The following CDK10 variants were observed in gnomAD, a reference collection of about 807,000 sequenced individuals.
CDK10 encodes cyclin dependent kinase 10.
In CDK10, 55 loss-of-function variants were observed where a neutral mutation model predicts 51.0. The ratio of observed to expected loss-of-function variants is 1.08; its 90% CI spans 0.87 to 1.35. The LOEUF is 1.35. CDK10 is among the 40% of genes most tolerant of loss of function. The pLI is 0.00. For missense variants in CDK10, 589 were observed against 485.1 expected (o/e 1.21, Z -2.01); for synonymous variants, 255 against 199.1 (o/e 1.28, Z -2.36).
rs764224553 is a variant in CDK10, at chr16:89,691,528, G to A, written c.318G>A (p.Val106=). ...PNIVELKEVV[V]GNHLESIFLV... is the part of the protein sequence containing the mutation. ...TCGTGGAGCTGAAGGAGGTGGTTGT[G>A]GGGAACCACCTGGAGAGGTACGTGG... Residue 106 remains valine (V), a synonymous_variant, in exon 4 of 13, where the codon GTG becomes GTA. Transcript: ENST00000353379. 4 of 1,613,520 alleles carry A rather than the reference G, an allele frequency of 2.5e-6. No homozygotes were observed. In the South Asian group the frequency reaches 4.4e-5, roughly 18 times the overall value.
chr16:89,691,373 A>G lies in CDK10; in HGVS notation c.233-70A>G. 3 of 1,178,818 alleles carry G rather than the reference A, an allele frequency of 2.5e-6. No individual in the cohort carries two copies. In the South Asian group the frequency reaches 4.3e-5, roughly 17 times the overall value. 73.0% of individuals were successfully genotyped at this position (1,178,818 alleles called of 1,614,324 possible). A position where few individuals can be genotyped will look rare whatever the true frequency, so the allele number is the denominator to read the frequency against. ...TGCTATCAGGTGTTCGTGAAGCCCAAGAGTGGCTGGGGTTGGGGCTTCCCC... is the reference window on the plus strand; with the variant it reads ...TGCTATCAGGTGTTCGTGAAGCCCAGGAGTGGCTGGGGTTGGGGCTTCCCC... On this transcript the variant is annotated intron_variant, in intron 3 of 12. Coordinates refer to ENST00000353379, the MANE Select transcript of CDK10 (RefSeq NM_052988.5).
intron 1 of CDK10, 74 bp downstream of exon 1, chr16:89,686,871 G>A (rs2060211779): frequency 7.7e-7 from 1 of 1,293,208 alleles, no homozygotes; most frequent in Non-Finnish European, 1.1e-6. Flanking sequence ...GGGGAGCCTC[G>A]TGTCGCGCTG....
rs376375311 is a variant in CDK10 at position 89,693,352 on chromosome 16, G to T, written c.538+26G>T. 17 of 1,613,990 alleles carry T rather than the reference G, an allele frequency of 1.1e-5. No homozygotes were observed. The highest frequency in any genetic ancestry group is 1.7e-5 in the Admixed American group (1 of 59,990). On this transcript the variant is annotated intron_variant, in intron 7 of 12. Transcript: ENST00000353379. Reference sequence around the variant, plus strand: ...GTGGGTGCAACTTGGGCCAGGCCCTGTCCCTAGATGGCACTTGGTGACACA... The same window carrying T: ...GTGGGTGCAACTTGGGCCAGGCCCTTTCCCTAGATGGCACTTGGTGACACA...
At position 89,696,063 on chromosome 16, in the gene CDK10, G is replaced by C; in HGVS notation, c.*371G>C. 1 of 555,876 alleles carries C rather than the reference G, an allele frequency of 1.8e-6. No homozygotes were observed. Among genetic ancestry groups the C allele is most frequent in the Non-Finnish European group, 3.2e-6 (1 of 307,842 alleles). The allele number at this position is 555,876 out of a possible 1,614,324, so 34.4% of individuals were successfully genotyped here. ...TGAGTTGTGGTGGACGCTGGCCTGG[G>C]ATGAGAGGGCCCAGAAGACCTTCGT... On this transcript the variant is annotated 3_prime_UTR_variant, in exon 13 of 13. Coordinates refer to ENST00000353379, the MANE Select transcript of CDK10 (RefSeq NM_052988.5).
chr16:89,695,122 AC>A, intron 11 of CDK10, 52 bp downstream of exon 11: 1 of 1,577,110 alleles, frequency 6.3e-7, no homozygotes, highest in Non-Finnish European at 8.6e-7. Context: ...CACTGTCCAG[AC>A]CGTTTCCCAG....
At chr16:89,692,951 C>T (rs2060519938) in intron 6 of CDK10, among the ~76,000 whole-genome samples, 1 of 151,932 alleles carries the variant, frequency 6.6e-6, no homozygotes, top group African/African-American at 2.4e-5. Context: ...TCCTTGTTAA[C>T]ACAGTGAAAC....
At chr16:89,690,381 C>T (rs150621304) in intron 2 of CDK10, 172 bp from the exon 3 acceptor site, 19,659 of 629,688 alleles carry the variant, frequency 0.031, 435 homozygotes, top group Non-Finnish European at 0.039. Flanking sequence ...TCCGGGGGAA[C>T]GCGTCTCGGG....
intron 2 of CDK10, 107 bp downstream of exon 2, chr16:89,689,431 T>TG: frequency 1.1e-6 from 1 of 919,180 alleles, no homozygotes; most frequent in Non-Finnish European, 1.8e-6. Flanking sequence ...ACTCAGACCC[T>TG]GTGCTCTGAA....
At chr16:89,689,099 C>CA (rs1450887065) in intron 1 of CDK10, among the ~76,000 whole-genome samples, 153 bp from the exon 2 acceptor site, 5 of 151,098 alleles carry the variant, frequency 3.3e-5, no homozygotes, top group African/African-American at 1.2e-4. Context: ...GACTCAGTCT[C>CA]AAAAAAAGAA....
At chr16:89,693,794 C>T (rs1056483590) in intron 8 of CDK10, 1 of 544,012 alleles carries the variant, frequency 1.8e-6, no homozygotes, top group Non-Finnish European at 3.3e-6. Flanking sequence ...CATGCTTTCC[C>T]TGGTTCTTCC....
chr16:89,687,510 C>A (rs774802301), intron 1 of CDK10: 11 of 456,094 alleles, frequency 2.4e-5, no homozygotes, highest in South Asian at 1.7e-4. Flanking sequence ...CAGGCGCTCA[C>A]CGCGTTGAGA....
intron 2 of CDK10, chr16:89,690,310 G>A: frequency 1.9e-6 from 1 of 538,302 alleles, no homozygotes; most frequent in Non-Finnish European, 3.3e-6. Context: ...AGTGGCTGGA[G>A]GCCAGGGTCC....
At chr16:89,691,245 A>G (rs1453715221) in intron 3 of CDK10, among the ~76,000 whole-genome samples, 198 bp from the exon 4 acceptor site, 1 of 151,960 alleles carries the variant, frequency 6.6e-6, no homozygotes, top group African/African-American at 2.4e-5. Context: ...AGATGGTGCC[A>G]TTGCACTCCA....
At position 89,690,367 on chromosome 16, in the gene CDK10, A is replaced by T. The variant is rs2060387449; in HGVS notation, c.161-186A>T. ...CCCCCTGCCCAGTTCAAATGAGGAAACCCTCCGGGGGAACGCGTCTCGGGC... is the reference window on the plus strand; with the variant it reads ...CCCCCTGCCCAGTTCAAATGAGGAATCCCTCCGGGGGAACGCGTCTCGGGC... On this transcript the variant is annotated intron_variant, in intron 2 of 12. Coordinates refer to ENST00000353379, the MANE Select transcript of CDK10 (RefSeq NM_052988.5). 4.9e-6 allele frequency: 3 copies of T among 606,246 alleles called. No homozygotes were observed. The South Asian group carries it at 5.6e-5, about 11-fold the overall frequency. The allele number at this position is 606,246 out of a possible 1,614,324, so 37.6% of individuals were successfully genotyped here.
intron 1 of CDK10, chr16:89,687,756 G>C (rs1370546232): frequency 8.2e-6 from 3 of 365,480 alleles, no homozygotes; most frequent in Non-Finnish European, 1.7e-5. Flanking sequence ...AGTTCAGGAA[G>C]TGTGACAAGG....
chr16:89,693,485 A>G lies in CDK10; in HGVS notation c.608+18A>G, dbSNP rs2060551389. On this transcript the variant is annotated intron_variant, in intron 8 of 12. Coordinates refer to ENST00000353379, the MANE Select transcript of CDK10 (RefSeq NM_052988.5). ...ACTCTCTGGTAAGTCCTTCTGAAGC[A>G]TGGTGGCCCCTGGGGACCAGGCCTG... is the stretch of plus-strand genomic sequence containing the variant. The G allele has an allele frequency of 6.2e-7, 1 of 1,613,414 alleles. No individual in the cohort carries two copies. Among genetic ancestry groups the G allele is most frequent in the Non-Finnish European group, 8.5e-7 (1 of 1,179,582 alleles).
chr16:89,688,362 G>C (rs1029554142), intron 1 of CDK10, among the ~76,000 whole-genome samples: 4 of 152,130 alleles, frequency 2.6e-5, no homozygotes, highest in African/African-American at 9.7e-5. Flanking sequence ...GATTACAGGC[G>C]TGAGCCACTG....
chr16:89,694,893 G>C (rs779933331), intron 10 of CDK10, 38 bp from the exon 11 acceptor site: 8 of 1,393,534 alleles, frequency 5.7e-6, no homozygotes, highest in Middle Eastern at 4.5e-4. Context: ...CCCCGCCCGT[G>C]CCCACGCCCT....
At chr16:89,695,430 G>C in intron 12 of CDK10, 85 bp downstream of exon 12, 4 of 1,507,840 alleles carry the variant, frequency 2.7e-6, no homozygotes, top group Non-Finnish European at 3.7e-6. Context: ...GAAGTGGCCT[G>C]CTGCCCTCAC....
Sources: gnomAD v4.1 joint callset for allele counts (sites outside exome capture counted in the v4.1 genomes callset) on GRCh38, gnomAD v4.1.1 for gene constraint, MANE v1.5 for transcripts, NCBI Gene and HGNC (gene_info 2026-07-23, HGNC 2026-07-21) for gene names.